MPP7: variants seen among roughly 807,000 people sequenced by gnomAD.
MPP7 encodes MAGUK p55 scaffold protein 7.
A neutral mutation model predicts 76.5 loss-of-function variants in MPP7; 60 were observed. That is an observed-to-expected ratio of 0.78 (90% CI 0.64 to 0.97). The LOEUF (loss-of-function observed/expected upper bound fraction) is 0.97, where lower values mean the gene tolerates loss of function less well. Among genes scored for constraint, MPP7 ranks in the 50% least tolerant of loss-of-function variants. The pLI, the probability that MPP7 is intolerant of heterozygous loss-of-function variation, is 0.00. For missense variants in MPP7, 641 were observed against 694.0 expected, an observed-to-expected ratio of 0.92 and a Z score of 0.86; for synonymous variants, 237 against 244.5, an observed-to-expected ratio of 0.97 and a Z score of 0.29.
chr10:28,199,959 T>C (rs1396233379), intron 3 of MPP7, among the ~76,000 whole-genome samples: 2 of 152,114 alleles, frequency 1.3e-5, no homozygotes, highest in South Asian at 2.1e-4. Flanking sequence ...TCAAGTTTTG[T>C]GTTCACTCAG....
chr10:28,332,243 ATGCG>A (rs1034304831), intron 1 of MPP7, among the ~76,000 whole-genome samples: 2 of 101,992 alleles, frequency 2.0e-5, no homozygotes, highest in Non-Finnish European at 4.0e-5. Flanking sequence ...TGTCAAATGT[ATGCG>A]TGTGTGTGTG....
chr10:28,305,897 C>T (rs1841251504), upstream of MPP7: 1 of 152,156 alleles, frequency 6.6e-6, no homozygotes, highest in Non-Finnish European at 1.5e-5. Flanking sequence ...TCCTTTATTC[C>T]AGCAACAAAA....
chr10:28,155,679 T>C (rs1588859569), intron 3 of MPP7, among the ~76,000 whole-genome samples: 1 of 151,998 alleles, frequency 6.6e-6, no homozygotes, highest in Non-Finnish European at 1.5e-5. Flanking sequence ...TCCATTTTCC[T>C]TGGACAGATT....
At chr10:28,123,462 C>CTTTTT (rs200098933) in intron 8 of MPP7, among the ~76,000 whole-genome samples, 6 of 92,498 alleles carry the variant, frequency 6.5e-5, no homozygotes, top group African/African-American at 8.6e-5. Flanking sequence ...GTACTAAATT[C>CTTTTT]TTTTTTTTTT....
At chr10:28,239,391 C>A (rs537208674) in intron 1 of MPP7, among the ~76,000 whole-genome samples, 1 of 152,100 alleles carries the variant, frequency 6.6e-6, no homozygotes, top group South Asian at 2.1e-4. Context: ...AGGTCATATG[C>A]CCGCCTTGGC....
At chr10:28,278,952 T>G (rs890955944) in intron 1 of MPP7, among the ~76,000 whole-genome samples, 3 of 151,998 alleles carry the variant, frequency 2.0e-5, no homozygotes, top group Admixed American at 1.3e-4. Flanking sequence ...GATCCATATC[T>G]CTTGCCTAAT....
chr10:28,142,194 A>G (rs1236256985), intron 5 of MPP7, among the ~76,000 whole-genome samples: 1 of 152,200 alleles, frequency 6.6e-6, no homozygotes, highest in African/African-American at 2.4e-5. Flanking sequence ...ATAAAAGTAC[A>G]TATTTCTACC....
At chr10:28,057,646 C>A in intron 15 of MPP7, 1 of 240,754 alleles carries the variant, frequency 4.2e-6, no homozygotes, top group Admixed American at 8.2e-5. Flanking sequence ...AGTAAATTAC[C>A]CAGTTTCAGG....
At chr10:28,290,819 T>A (rs1474463958) in intron 1 of MPP7, among the ~76,000 whole-genome samples, 1 of 152,188 alleles carries the variant, frequency 6.6e-6, no homozygotes, top group African/African-American at 2.4e-5. Context: ...GAAAACAGAC[T>A]AACACGTGAA....
chr10:28,104,423 G>A (rs1364920958), intron 11 of MPP7, among the ~76,000 whole-genome samples: 1 of 152,150 alleles, frequency 6.6e-6, no homozygotes, highest in Non-Finnish European at 1.5e-5. Flanking sequence ...GTTTACCATA[G>A]AATAGTTTTG....
intron 2 of MPP7, among the ~76,000 whole-genome samples, chr10:28,321,948 C>CGTGTGTGTGTGT (rs3064171): frequency 4.3e-3 from 621 of 143,456 alleles, no homozygotes; most frequent in African/African-American, 6.2e-3. Context: ...TTTTTGTAGA[C>CGTGTGTGTGTGT]GTGTGTGTGT....
intron 2 of MPP7, among the ~76,000 whole-genome samples, chr10:28,235,191 T>C (rs78004248): frequency 0.035 from 5,309 of 151,428 alleles, 173 homozygotes; most frequent in African/African-American, 0.079. Flanking sequence ...ACGAATGAGA[T>C]CCTGGAACAA....
intron 12 of MPP7, among the ~76,000 whole-genome samples, chr10:28,089,322 C>T (rs1853172922): frequency 6.6e-6 from 1 of 152,168 alleles, no homozygotes; most frequent in South Asian, 2.1e-4. Flanking sequence ...AAGCTTGTAC[C>T]ATGCTGCTGC....
chr10:28,287,166 C>T (rs1840808053), intron 1 of MPP7, among the ~76,000 whole-genome samples: 1 of 152,168 alleles, frequency 6.6e-6, no homozygotes, highest in East Asian at 1.9e-4. Context: ...TAATAACTGA[C>T]CTATTTGTTG....
intron 5 of MPP7, among the ~76,000 whole-genome samples, chr10:28,135,891 G>A (rs144998290): frequency 1.3e-3 from 191 of 152,252 alleles, no homozygotes; most frequent in Admixed American, 2.0e-3. Context: ...ACCAGTACCC[G>A]CTTATGACCT....
At chr10:28,083,761 C>G (rs1852876232) in intron 12 of MPP7, among the ~76,000 whole-genome samples, 1 of 152,086 alleles carries the variant, frequency 6.6e-6, no homozygotes, top group Non-Finnish European at 1.5e-5. Context: ...TGGTCTCGAA[C>G]TCCTGACCTC....
chr10:28,296,034 T>C (rs1841028655), intron 1 of MPP7, among the ~76,000 whole-genome samples: 1 of 152,254 alleles, frequency 6.6e-6, no homozygotes, highest in South Asian at 2.1e-4. Flanking sequence ...AATTTCAGGT[T>C]TCTACTTATT....
intron 1 of MPP7, among the ~76,000 whole-genome samples, chr10:28,245,671 T>TC (rs397694965): frequency 6.6e-6 from 1 of 152,002 alleles, no homozygotes; most frequent in African/African-American, 2.4e-5. Flanking sequence ...ATTTTTTTTT[T>TC]CAAGACAGAG....
At chr10:28,251,541 A>C (rs2132853699) in intron 1 of MPP7, among the ~76,000 whole-genome samples, 1 of 152,334 alleles carries the variant, frequency 6.6e-6, no homozygotes, top group East Asian at 1.9e-4. Flanking sequence ...GCTTGTAGGA[A>C]TACACCCTAA....
Sources: gnomAD v4.1 joint callset for allele counts (sites outside exome capture counted in the v4.1 genomes callset) on GRCh38, gnomAD v4.1.1 for gene constraint, MANE v1.5 for transcripts, NCBI Gene and HGNC (gene_info 2026-07-23, HGNC 2026-07-21) for gene names.